Variants in SPATA18 observed in about 807,000 individuals in gnomAD.
The protein encoded by SPATA18 is mitochondria-eating protein.
SPATA18 carries 54 observed loss-of-function variants against 68.1 expected under a neutral mutation model. The ratio of observed to expected loss-of-function variants is 0.79; its 90% confidence interval spans 0.64 to 0.99. The LOEUF is 0.99. SPATA18 is among the 50% of genes least tolerant of loss of function. SPATA18 has a pLI of 0.00. For missense variants in SPATA18, 724 were observed against 681.1 expected, an observed-to-expected ratio of 1.06 and a Z score of -0.70; for synonymous variants, 242 against 244.8, an observed-to-expected ratio of 0.99 and a Z score of 0.11.
chr4:52,055,358 T>G (rs1738247584), intron 1 of SPATA18, among the ~76,000 whole-genome samples: 1 of 152,214 alleles, frequency 6.6e-6, no homozygotes, highest in Non-Finnish European at 1.5e-5. Flanking sequence ...GTTTGAAGCA[T>G]CATTTTTATG....
At chr4:52,072,209 G>C (rs1479189822) in intron 6 of SPATA18, 53 bp downstream of exon 6, 1 of 1,586,616 alleles carries the variant, frequency 6.3e-7, no homozygotes, top group Admixed American at 1.8e-5. Context: ...GCTGAGTTAA[G>C]GGATCGGGGA....
intron 6 of SPATA18, among the ~76,000 whole-genome samples, chr4:52,074,442 G>T (rs971948450): frequency 1.3e-5 from 2 of 152,120 alleles, no homozygotes; most frequent in Non-Finnish European, 2.9e-5. Flanking sequence ...AGCTGGTTGG[G>T]TGAGTGGGGG....
chr4:52,083,773 G>A (rs1350364558), intron 10 of SPATA18, among the ~76,000 whole-genome samples: 6 of 139,898 alleles, frequency 4.3e-5, no homozygotes, highest in South Asian at 2.2e-4. Context: ...ATGGAGTCTC[G>A]TTCTGTCTCC....
Position 52,062,480 on chromosome 4 carries a change from G to T in SPATA18, c.422+148G>T, listed in dbSNP as rs546031255. Reference sequence around the variant, plus strand: ...TGTGTGTGTGTCTGTGGGCATGTGTGTATGACAGAGAGAGAGGGAGAGAGA... The same window carrying T: ...TGTGTGTGTGTCTGTGGGCATGTGTTTATGACAGAGAGAGAGGGAGAGAGA... On this transcript the variant is annotated intron_variant, in intron 4 of 12. Coordinates refer to ENST00000295213, the MANE Select transcript of SPATA18 (RefSeq NM_145263.4). The T allele has an allele frequency of 1.8e-5, 11 of 605,570 alleles. No homozygotes were observed. In the African/African-American group the frequency reaches 1.9e-4, roughly 10 times the overall value. The allele number at this position is 605,570 out of a possible 1,614,324, so 37.5% of individuals were successfully genotyped here.
intron 4 of SPATA18, among the ~76,000 whole-genome samples, chr4:52,069,500 G>A (rs1460745584): frequency 6.6e-6 from 1 of 152,146 alleles, no homozygotes; most frequent in Non-Finnish European, 1.5e-5. Context: ...TGTAATTAGA[G>A]CAGATGAATT....
chr4:52,084,292 G>C (rs1741227920), intron 10 of SPATA18, among the ~76,000 whole-genome samples: 2 of 152,034 alleles, frequency 1.3e-5, no homozygotes, highest in South Asian at 4.1e-4. Flanking sequence ...AAGCATATCA[G>C]GAACATTTGT....
chr4:52,089,014 G>A (rs1741702582), intron 11 of SPATA18, among the ~76,000 whole-genome samples: 2 of 151,988 alleles, frequency 1.3e-5, no homozygotes, highest in Non-Finnish European at 1.5e-5. Flanking sequence ...GACTTGGGAG[G>A]GTGTATGTGT....
At position 52,077,890 on chromosome 4, in the gene SPATA18, A is replaced by C. The variant is rs1200833327; in HGVS notation, c.1021-845A>C. On this transcript the variant is annotated intron_variant, in intron 7 of 12. Transcript: ENST00000295213. ...TGTCATACTAAGATACTGAGAGTTC[A>C]TGAGGAGAATTGTTAAATATTAAGA... Among the ~76,000 whole-genome samples, 3 of 152,210 alleles carry C rather than the reference A, an allele frequency of 2.0e-5. No individual in the cohort carries two copies. In the East Asian group the frequency reaches 5.8e-4, roughly 29 times the overall value.
At chr4:52,077,948 T>C (rs891073557) in intron 7 of SPATA18, among the ~76,000 whole-genome samples, 1 of 152,194 alleles carries the variant, frequency 6.6e-6, no homozygotes, top group African/African-American at 2.4e-5. Flanking sequence ...AGAGCAGAAT[T>C]ATCAGAAATA....
At chr4:52,061,002 T>TG in intron 3 of SPATA18, 105 bp downstream of exon 3, 1 of 837,994 alleles carries the variant, frequency 1.2e-6, no homozygotes, top group East Asian at 2.6e-5. Flanking sequence ...ACTGATAGAG[T>TG]GTCACAATTT....
intron 10 of SPATA18, chr4:52,082,756 A>T: frequency 7.5e-7 from 1 of 1,332,030 alleles, no homozygotes; most frequent in South Asian, 1.6e-5. Flanking sequence ...AATCAGTCAT[A>T]TTTACCTCCT....
intron 6 of SPATA18, among the ~76,000 whole-genome samples, chr4:52,073,717 G>A (rs1311775896): frequency 6.6e-6 from 1 of 152,226 alleles, no homozygotes; most frequent in Non-Finnish European, 1.5e-5. Flanking sequence ...GCTGCAGTGA[G>A]CTATGATTGA....
At chr4:52,056,046 C>T (rs1391687105) in intron 1 of SPATA18, among the ~76,000 whole-genome samples, 1 of 152,074 alleles carries the variant, frequency 6.6e-6, no homozygotes, top group Non-Finnish European at 1.5e-5. Context: ...CCTGGGTGTC[C>T]TCTCATTTCT....
At chr4:52,052,502 G>A (rs1460435958) in intron 1 of SPATA18, among the ~76,000 whole-genome samples, 3 of 151,980 alleles carry the variant, frequency 2.0e-5, no homozygotes, top group African/African-American at 7.3e-5. Context: ...CAAATAGAAC[G>A]GTGAGTGTTG....
In SPATA18 at chr4:52,079,859, C is replaced by G; in HGVS notation, c.1295C>G (p.Ala432Gly). ...TGTTGCATTGCCTTTGCAATGCAGG[C>G]CTTAGAACCACCCCTAGATATTGCA... ...EICCIAFAMQ[A>G]LEPPLDIAYG... Residue 432 changes from alanine (A) to glycine (G), a missense_variant, in exon 9 of 13, where the codon GCC (alanine) becomes GGC (glycine). Physicochemically the swap from Ala to Gly is moderately conservative, Grantham distance 60. Transcript: ENST00000295213. 1 of 1,614,000 alleles carries G rather than the reference C, an allele frequency of 6.2e-7. No homozygotes were observed. The highest frequency in any genetic ancestry group is 8.5e-7 in the Non-Finnish European group (1 of 1,179,924).
intron 11 of SPATA18, among the ~76,000 whole-genome samples, chr4:52,087,111 GTTGT>G (rs1452868723): frequency 6.6e-6 from 1 of 152,122 alleles, no homozygotes; most frequent in African/African-American, 2.4e-5. Flanking sequence ...TTTTGATGGG[GTTGT>G]TTGTTTTTTT....
rs1014500225 is a variant in SPATA18 at position 52,096,498 on chromosome 4, A to T, written c.*1611A>T. On this transcript the variant is annotated 3_prime_UTR_variant, in exon 13 of 13. Coordinates refer to ENST00000295213, the MANE Select transcript of SPATA18 (RefSeq NM_145263.4). ...ATATAATCATCTATGTGCATGTATA[A>T]TTTTAAGCAGTGAACATAGTACCCT... The T allele has an allele frequency of 3.3e-5, 5 of 152,180 alleles. No homozygotes were observed. Among genetic ancestry groups the T allele is most frequent in the Admixed American group, 2.6e-4 (4 of 15,264 alleles). The allele number at this position is 152,180 out of a possible 1,614,324, so 9.4% of individuals were successfully genotyped here.
At chr4:52,065,050 T>A (rs1739206671) in intron 4 of SPATA18, among the ~76,000 whole-genome samples, 1 of 152,218 alleles carries the variant, frequency 6.6e-6, no homozygotes, top group South Asian at 2.1e-4. Flanking sequence ...TTTTCATATG[T>A]GTATTGGCTG....
At chr4:52,091,899 G>A (rs770460386) in intron 11 of SPATA18, among the ~76,000 whole-genome samples, 5 of 152,144 alleles carry the variant, frequency 3.3e-5, no homozygotes, top group African/African-American at 4.8e-5. Flanking sequence ...TTACAGAGAT[G>A]CCCTGTCCAA....
Sources: allele counts gnomAD v4.1 joint callset (sites outside exome capture counted in the v4.1 genomes callset), GRCh38; gene constraint gnomAD v4.1.1; transcripts MANE v1.5; gene names NCBI Gene and HGNC (gene_info 2026-07-23, HGNC 2026-07-21).